OR7E24: variants seen among roughly 807,000 people sequenced by gnomAD.
OR7E24 encodes olfactory receptor 7E24.
For synonymous variants in OR7E24, 130 were observed against 157.5 expected (o/e 0.83, Z 1.31); for missense variants, 385 against 410.3 (o/e 0.94, Z 0.53).
the OR7E24 span, among the ~76,000 whole-genome samples, chr19:9,239,040 A>G: frequency 6.6e-6 from 1 of 152,284 alleles, no homozygotes; most frequent in Admixed American, 6.5e-5. Context: ...GGATTGCTGG[A>G]TCCTAAGGTA....
At chr19:9,213,888 G>A in the OR7E24 span, 2 of 1,599,370 alleles carry the variant, frequency 1.3e-6, no homozygotes, top group Non-Finnish European at 1.7e-6. Flanking sequence ...TAGTTCTGAG[G>A]CCCTGATTTG....
the OR7E24 span, among the ~76,000 whole-genome samples, chr19:9,226,090 C>G: frequency 2.6e-5 from 4 of 152,218 alleles, no homozygotes; most frequent in Non-Finnish European, 5.9e-5. Context: ...GTGGGAGCTC[C>G]TCTCCTTGGC....
the OR7E24 span, among the ~76,000 whole-genome samples, chr19:9,229,750 A>T: frequency 6.6e-6 from 1 of 152,138 alleles, no homozygotes; most frequent in African/African-American, 2.4e-5. Context: ...AAAACAATAG[A>T]ACAATTTATT....
At chr19:9,236,425 G>A in the OR7E24 span, among the ~76,000 whole-genome samples, 15 of 152,062 alleles carry the variant, frequency 9.9e-5, no homozygotes, top group East Asian at 1.6e-3. Flanking sequence ...CAGGAGAATC[G>A]CTTGAACCCA....
chr19:9,226,013 G>A, the OR7E24 span, among the ~76,000 whole-genome samples: 1 of 152,188 alleles, frequency 6.6e-6, no homozygotes, highest in Non-Finnish European at 1.5e-5. Flanking sequence ...ACACAGCAAG[G>A]CACCTGTGCA....
chr19:9,239,688 ATTCT>A, the OR7E24 span, among the ~76,000 whole-genome samples: 1 of 144,072 alleles, frequency 6.9e-6, no homozygotes, highest in East Asian at 2.0e-4. Flanking sequence ...CAGTCTTAAT[ATTCT>A]TTCTTTTTCT....
chr19:9,247,362 G>A (rs908760033), upstream of OR7E24: 10 of 397,536 alleles, frequency 2.5e-5, no homozygotes, highest in African/African-American at 1.2e-4. Context: ...AGTCCAGTGG[G>A]CTCCACACCT....
the OR7E24 span, among the ~76,000 whole-genome samples, chr19:9,228,901 CGTTAT>C: frequency 1.3e-5 from 2 of 152,074 alleles, no homozygotes; most frequent in African/African-American, 2.4e-5. Flanking sequence ...TAAAGGCAGA[CGTTAT>C]GTTATGTGTG....
At chr19:9,223,190 C>T in the OR7E24 span, among the ~76,000 whole-genome samples, 4 of 152,038 alleles carry the variant, frequency 2.6e-5, no homozygotes, top group African/African-American at 9.7e-5. Context: ...CAACCTGCTC[C>T]CCTGGCTGGC....
chr19:9,248,151 CTG>C (rs1388160350), upstream of OR7E24, among the ~76,000 whole-genome samples: 1 of 152,096 alleles, frequency 6.6e-6, no homozygotes, highest in Non-Finnish European at 1.5e-5. Context: ...TCCCTCTAAA[CTG>C]TGCCCTAAAC....
At chr19:9,242,621 A>G (rs2144932787), upstream of OR7E24, among the ~76,000 whole-genome samples, 1 of 152,262 alleles carries the variant, frequency 6.6e-6, no homozygotes, top group African/African-American at 2.4e-5. Flanking sequence ...ATAGAGGTGA[A>G]CTATAACCTG....
At chr19:9,226,070 C>T in the OR7E24 span, among the ~76,000 whole-genome samples, 1 of 152,076 alleles carries the variant, frequency 6.6e-6, no homozygotes, top group Non-Finnish European at 1.5e-5. Context: ...GGGTCAATTA[C>T]TCCTGCCAGG....
chr19:9,245,577 G>A (rs1374698969), upstream of OR7E24, among the ~76,000 whole-genome samples: 1 of 152,064 alleles, frequency 6.6e-6, no homozygotes, highest in Non-Finnish European at 1.5e-5. Flanking sequence ...TCGAAAACAG[G>A]GATTTGAACA....
At chr19:9,239,733 G>A in the OR7E24 span, among the ~76,000 whole-genome samples, 1 of 125,112 alleles carries the variant, frequency 8.0e-6, no homozygotes, top group Non-Finnish European at 1.6e-5. Context: ...TTTTGAGTTG[G>A]AGTCTCGCTC....
the OR7E24 span, chr19:9,209,828 C>G: frequency 6.6e-6 from 1 of 151,838 alleles, no homozygotes; most frequent in Non-Finnish European, 1.5e-5. Flanking sequence ...CTAATTTTTG[C>G]ATTTTTATTA....
chr19:9,214,431 A>G, the OR7E24 span: 1 of 1,614,096 alleles, frequency 6.2e-7, no homozygotes, highest in African/African-American at 1.3e-5. Context: ...GCAGGGGTTC[A>G]TGATGACCGT....
chr19:9,221,372 A>T, the OR7E24 span, among the ~76,000 whole-genome samples: 1 of 55,590 alleles, frequency 1.8e-5, no homozygotes, highest in Non-Finnish European at 2.9e-5. Context: ...TTTTTTTGAG[A>T]CGGAGTCTCG....
chr19:9,230,787 C>T, the OR7E24 span, among the ~76,000 whole-genome samples: 7 of 152,228 alleles, frequency 4.6e-5, no homozygotes, highest in African/African-American at 1.7e-4. Flanking sequence ...ATTTGAAACT[C>T]GGGCCAATTT....
the OR7E24 span, among the ~76,000 whole-genome samples, chr19:9,216,418 A>T: frequency 2.8e-4 from 42 of 152,248 alleles, 2 homozygotes; most frequent in African/African-American, 9.6e-4. Context: ...TGTATACCAT[A>T]GAGAAAGTTA....
Sources: allele counts gnomAD v4.1 joint callset (sites outside exome capture counted in the v4.1 genomes callset), GRCh38; gene constraint gnomAD v4.1.1; transcripts MANE v1.5; gene names NCBI Gene and HGNC (gene_info 2026-07-23, HGNC 2026-07-21).